MAF: variants seen among roughly 807,000 people sequenced by gnomAD.
MAF encodes the protein MAF bZIP transcription factor.
A neutral mutation model predicts 22.0 loss-of-function variants in MAF; 10 were observed. That is an observed-to-expected ratio of 0.45 (90% CI 0.28 to 0.77). The LOEUF (loss-of-function observed/expected upper bound fraction) is 0.77. Among genes scored for constraint, MAF ranks in the 30% least tolerant of loss-of-function variants. MAF has a pLI of 0.12. For missense variants in MAF, 544 were observed against 548.4 expected (o/e 0.99, Z 0.08); for synonymous variants, 337 against 255.8 (o/e 1.32, Z -3.03).
At chr16:79,558,361 C>T in the MAF span, among the ~76,000 whole-genome samples, 1 of 152,116 alleles carries the variant, frequency 6.6e-6, no homozygotes, top group Admixed American at 6.6e-5. Context: ...GTCCATCAAC[C>T]CACTGTCAAA....
chr16:79,314,239 G>A, the MAF span, among the ~76,000 whole-genome samples: 1 of 152,174 alleles, frequency 6.6e-6, no homozygotes, highest in African/African-American at 2.4e-5. Flanking sequence ...CTTGCAAGGT[G>A]TTCACCCTTC....
At chr16:79,283,533 T>A in the MAF span, among the ~76,000 whole-genome samples, 111,008 of 152,140 alleles carry the variant, frequency 0.73, 40,975 homozygotes, top group Admixed American at 0.77. Context: ...GCTTTTCTGA[T>A]GACTGAAAGA....
chr16:79,327,745 A>G, the MAF span, among the ~76,000 whole-genome samples: 1 of 152,276 alleles, frequency 6.6e-6, no homozygotes, highest in East Asian at 1.9e-4. Context: ...TGACCGCTTT[A>G]TCTCTTTTAA....
chr16:79,208,403 G>C, the MAF span, among the ~76,000 whole-genome samples: 1 of 152,086 alleles, frequency 6.6e-6, no homozygotes, highest in African/African-American at 2.4e-5. Flanking sequence ...ATCGTTTAGG[G>C]GAACCCATAG....
At chr16:79,359,749 A>C in the MAF span, among the ~76,000 whole-genome samples, 1 of 152,210 alleles carries the variant, frequency 6.6e-6, no homozygotes, top group East Asian at 1.9e-4. Flanking sequence ...GTAAGTGCAG[A>C]GTAGGACCAC....
At chr16:79,214,277 C>G in the MAF span, among the ~76,000 whole-genome samples, 3 of 152,164 alleles carry the variant, frequency 2.0e-5, no homozygotes, top group Non-Finnish European at 2.9e-5. Flanking sequence ...AACTTGGCCA[C>G]AGTACCTTGA....
At chr16:79,344,166 G>A in the MAF span, among the ~76,000 whole-genome samples, 396 of 152,274 alleles carry the variant, frequency 2.6e-3, 2 homozygotes, top group African/African-American at 8.8e-3. Flanking sequence ...GCCTCTCTAG[G>A]AGGGATGAAA....
At chr16:79,352,578 T>C in the MAF span, among the ~76,000 whole-genome samples, 1 of 152,230 alleles carries the variant, frequency 6.6e-6, no homozygotes. Context: ...CCTCAGCAGC[T>C]AAGTTTATTT....
the MAF span, among the ~76,000 whole-genome samples, chr16:79,354,418 T>TG: frequency 6.6e-6 from 1 of 152,124 alleles, no homozygotes; most frequent in Non-Finnish European, 1.5e-5. Flanking sequence ...TTATGTGTGC[T>TG]GGGTGACAGG....
the MAF span, among the ~76,000 whole-genome samples, chr16:79,542,190 A>C: frequency 1.8e-4 from 27 of 152,242 alleles, no homozygotes; most frequent in African/African-American, 6.0e-4. Context: ...TGTGCAGCTG[A>C]AGAGGGGAGC....
At chr16:79,470,652 CT>C in the MAF span, among the ~76,000 whole-genome samples, 3 of 152,200 alleles carry the variant, frequency 2.0e-5, no homozygotes, top group Non-Finnish European at 4.4e-5. Flanking sequence ...CATTTATCAG[CT>C]GAGAAAACTG....
the MAF span, chr16:79,205,541 C>G: frequency 2.0e-5 from 3 of 152,234 alleles, no homozygotes. Flanking sequence ...CACTTTCTCA[C>G]ACTTCTAAAG....
the MAF span, among the ~76,000 whole-genome samples, chr16:79,425,484 G>A: frequency 6.6e-6 from 1 of 152,152 alleles, no homozygotes; most frequent in Non-Finnish European, 1.5e-5. Flanking sequence ...TCTGTCTTGG[G>A]GTGGGAACTG....
the MAF span, among the ~76,000 whole-genome samples, chr16:79,290,890 C>T: frequency 6.6e-6 from 1 of 152,122 alleles, no homozygotes; most frequent in Non-Finnish European, 1.5e-5. Flanking sequence ...TCTCTACCCC[C>T]AAAATGGCCT....
At chr16:79,402,810 G>C in the MAF span, among the ~76,000 whole-genome samples, 1 of 152,202 alleles carries the variant, frequency 6.6e-6, no homozygotes, top group African/African-American at 2.4e-5. Flanking sequence ...TCTCACTGTT[G>C]TACCTGCCCA....
chr16:79,288,679 G>C, the MAF span, among the ~76,000 whole-genome samples: 1 of 152,202 alleles, frequency 6.6e-6, no homozygotes, highest in Non-Finnish European at 1.5e-5. Flanking sequence ...AGTGAATTAG[G>C]TAAACATGAG....
chr16:79,566,516 C>G, the MAF span, among the ~76,000 whole-genome samples: 2 of 152,216 alleles, frequency 1.3e-5, no homozygotes, highest in Non-Finnish European at 2.9e-5. Context: ...CAGTGCTAAC[C>G]AAACCAACCA....
chr16:79,544,204 C>T, the MAF span, among the ~76,000 whole-genome samples: 14 of 152,108 alleles, frequency 9.2e-5, no homozygotes, highest in Admixed American at 2.0e-4. Context: ...ATTTACAGTT[C>T]AACACAGTAG....
At chr16:79,347,718 A>G in the MAF span, among the ~76,000 whole-genome samples, 21 of 152,268 alleles carry the variant, frequency 1.4e-4, no homozygotes, top group African/African-American at 5.1e-4. Flanking sequence ...TTGAACTGGC[A>G]GGTGGATTCC....
Sources: gnomAD v4.1 joint callset for allele counts (sites outside exome capture counted in the v4.1 genomes callset) on GRCh38, gnomAD v4.1.1 for gene constraint, MANE v1.5 for transcripts, NCBI Gene and HGNC (gene_info 2026-07-23, HGNC 2026-07-21) for gene names.